USP54: variants seen among roughly 807,000 people sequenced by gnomAD.
USP54 encodes the protein ubiquitin carboxyl-terminal hydrolase 54.
A neutral mutation model predicts 170.5 loss-of-function variants in USP54; 87 were observed. That is an observed-to-expected ratio of 0.51 (90% CI 0.43 to 0.61). USP54 has a LOEUF of 0.61. Ranked by LOEUF, USP54 falls within the 20% of genes least tolerant of loss-of-function variation. USP54 has a pLI of 0.00. For synonymous variants in USP54, 655 were observed against 742.8 expected (o/e 0.88, Z 1.92); for missense variants, 1,786 against 2,047.8 (o/e 0.87, Z 2.47).
upstream of USP54, among the ~76,000 whole-genome samples, chr10:73,592,733 T>C (rs1030602895): frequency 1.3e-5 from 2 of 152,206 alleles, no homozygotes; most frequent in Non-Finnish European, 2.9e-5. Flanking sequence ...TGGGACAGAG[T>C]TACAGAGCTT....
chr10:73,550,340 T>C (rs1054442746), intron 4 of USP54, among the ~76,000 whole-genome samples: 2 of 152,346 alleles, frequency 1.3e-5, no homozygotes, highest in African/African-American at 4.8e-5. Flanking sequence ...TCTAGATATG[T>C]ATGGCTCAAT....
Position 73,575,641 on chromosome 10 carries a change from A to C in USP54, c.18T>G (p.Asn6Lys), listed in dbSNP as rs1309158786. The C allele has an allele frequency of 3.1e-6, 5 of 1,607,806 alleles. No homozygotes were observed. Among genetic ancestry groups the C allele is most frequent in the Non-Finnish European group, 3.4e-6 (4 of 1,177,908 alleles). ...CACTACCACGACCCCCTGAAAAATA[A>C]TTTCTCTTCCAAGACATTATTGTTC... Reference protein sequence around the residue: MSWKRNYFSGGRGSVQ... With the variant: MSWKRKYFSGGRGSVQ... Residue 6 changes from asparagine (N) to lysine (K), a missense_variant, in exon 3 of 24, where the codon AAT becomes AAG. Physicochemically the swap from Asn to Lys is moderately conservative, Grantham distance 94. Transcript: ENST00000687698.
chr10:73,583,765 AT>A (rs1399810365), intron 1 of USP54, among the ~76,000 whole-genome samples: 3 of 152,080 alleles, frequency 2.0e-5, no homozygotes, highest in Non-Finnish European at 4.4e-5. Context: ...TAAAAAAAAA[AT>A]AAATTACAAT....
intron 17 of USP54, among the ~76,000 whole-genome samples, chr10:73,522,386 T>C (rs2062038755): frequency 6.6e-6 from 1 of 152,246 alleles, no homozygotes; most frequent in Non-Finnish European, 1.5e-5. Context: ...TGTACTAAAT[T>C]TTAATTCTTA....
intron 16 of USP54, among the ~76,000 whole-genome samples, chr10:73,525,499 G>A (rs947512489): frequency 4.6e-5 from 7 of 152,012 alleles, no homozygotes; most frequent in African/African-American, 1.7e-4. Flanking sequence ...CCAGAATTGA[G>A]GACTATTCAG....
At chr10:73,567,106 T>C (rs1252065506) in intron 4 of USP54, among the ~76,000 whole-genome samples, 1 of 151,798 alleles carries the variant, frequency 6.6e-6, no homozygotes, top group African/African-American at 2.4e-5. Context: ...CTTGAACTCC[T>C]TACCTCAGGT....
intron 10 of USP54, 150 bp downstream of exon 10, chr10:73,539,294 T>TA (rs1230364085): frequency 0.07 from 14,632 of 208,104 alleles, 571 homozygotes; most frequent in East Asian, 0.29. Context: ...AAAAAAAAAT[T>TA]AAAAAAAAAA....
At chr10:73,582,973 G>A in intron 1 of USP54, among the ~76,000 whole-genome samples, 1 of 152,282 alleles carries the variant, frequency 6.6e-6, no homozygotes, top group East Asian at 1.9e-4. Context: ...ATGATATGAT[G>A]CACTGAAAAG....
chr10:73,566,838 A>G (rs1486233169), intron 4 of USP54, among the ~76,000 whole-genome samples: 2 of 152,102 alleles, frequency 1.3e-5, no homozygotes, highest in Non-Finnish European at 2.9e-5. Context: ...GAAAAAAGGG[A>G]GGAGAATGTA....
intron 4 of USP54, chr10:73,546,603 G>A (rs572606076): frequency 6.6e-6 from 1 of 152,114 alleles, no homozygotes; most frequent in South Asian, 2.1e-4. Flanking sequence ...TAAAATTGCT[G>A]GGATTACAGA....
chr10:73,605,821 AG>A (rs958516769), intron 1 of USP54, among the ~76,000 whole-genome samples: 1 of 152,068 alleles, frequency 6.6e-6, no homozygotes, highest in Non-Finnish European at 1.5e-5. Context: ...GGTGGTGGCT[AG>A]GCACTTTGGG....
intron 16 of USP54, among the ~76,000 whole-genome samples, chr10:73,525,374 T>C (rs1381311051): frequency 6.6e-6 from 1 of 152,214 alleles, no homozygotes; most frequent in East Asian, 1.9e-4. Context: ...AAATAGGGCT[T>C]ATTATACAAA....
intron 4 of USP54, among the ~76,000 whole-genome samples, chr10:73,557,599 C>A (rs1226252181): frequency 6.6e-6 from 1 of 151,792 alleles, no homozygotes; most frequent in African/African-American, 2.4e-5. Flanking sequence ...GATTCTCCTG[C>A]CTCAGCCTCC....
At position 73,534,818 on chromosome 10, in the gene USP54, G is replaced by A. The variant is rs1380382051; in HGVS notation, c.1145-48C>T. ...ATGCAAAAAGTGAGGAAACAGAACA[G>A]TAGCAAAGAGAAGGAAAAGAGATGG... On this transcript the variant is annotated intron_variant, in intron 11 of 23. Transcript: ENST00000687698. 2.6e-6 allele frequency: 4 copies of A among 1,562,284 alleles called. No individual in the cohort carries two copies. In the South Asian group the frequency reaches 4.6e-5, roughly 18 times the overall value.
chr10:73,516,350 C>A, intron 20 of USP54, 25 bp downstream of exon 20: 1 of 1,584,094 alleles, frequency 6.3e-7, no homozygotes, highest in South Asian at 1.2e-5. Context: ...TCCCCCCTCC[C>A]CCCAACCCCT....
chr10:73,518,182 G>A (rs1183766043), intron 19 of USP54: 1 of 985,290 alleles, frequency 1.0e-6, no homozygotes, highest in Non-Finnish European at 1.2e-6. Flanking sequence ...AGGGAGGCAA[G>A]TCCTACCTGG....
chr10:73,620,262 G>C (rs1240129431), intron 1 of USP54, among the ~76,000 whole-genome samples: 1 of 148,630 alleles, frequency 6.7e-6, no homozygotes, highest in Non-Finnish European at 1.5e-5. Flanking sequence ...GTAGTGAGCC[G>C]AGATTGTGCC....
In USP54 at chr10:73,498,935, G is replaced by A. The variant is rs150333498; in HGVS notation, c.4749C>T (p.His1583=). 47 of 1,614,106 alleles carry A rather than the reference G, an allele frequency of 2.9e-5. No individual in the cohort carries two copies. Among genetic ancestry groups the A allele is most frequent in the Non-Finnish European group, 3.6e-5 (42 of 1,180,054 alleles). The change falls in exon 24 of 24, where the codon CAC becomes CAT. Residue 1583 remains histidine, a synonymous_variant. Coordinates refer to ENST00000687698, the MANE Select transcript of USP54 (RefSeq NM_001391956.1). ...GGAAAAGATCACTCCAGGACTGAGT[G>A]TGAGGAACCTGAAGGCCCTTGCTTC... ...PERSKGLQVP[H]TQSWSDLFHS...
chr10:73,594,397 T>C (rs1388035676), upstream of USP54, among the ~76,000 whole-genome samples: 2 of 149,998 alleles, frequency 1.3e-5, no homozygotes, highest in Non-Finnish European at 2.9e-5. Flanking sequence ...TTTTAGAATG[T>C]AGTGACAAAA....
Sources: gnomAD v4.1 joint callset for allele counts (sites outside exome capture counted in the v4.1 genomes callset) on GRCh38, gnomAD v4.1.1 for gene constraint, MANE v1.5 for transcripts, NCBI Gene and HGNC (gene_info 2026-07-23, HGNC 2026-07-21) for gene names.